The following GPR143 variants were observed in gnomAD, a reference collection of about 807,000 sequenced individuals.
GPR143 encodes G protein-coupled receptor 143.
Under a neutral mutation model 27.6 loss-of-function variants are expected in GPR143, and 8 were observed. The observed-to-expected ratio is 0.29, with a 90% CI of 0.17 to 0.52. The LOEUF is 0.52. Ranked by LOEUF, GPR143 falls within the 20% of genes least tolerant of loss-of-function variation. GPR143 has a pLI of 0.96. For missense variants in GPR143, 303 were observed against 343.1 expected (o/e 0.88, Z 0.92); for synonymous variants, 156 against 153.2 (o/e 1.02, Z -0.13).
rs928297976 is a variant in GPR143, at chrX:9,746,162, G to A, written c.549-9C>T. On this transcript the variant is annotated splice_polypyrimidine_tract_variant and intron_variant, in intron 4 of 8. Transcript: ENST00000467482. ...CCAGGCCCCGCTCACACCTGAGAGAGGAAAACCAAAGTCATTCTTCTCAAA... is the reference window on the plus strand; with the variant it reads ...CCAGGCCCCGCTCACACCTGAGAGAAGAAAACCAAAGTCATTCTTCTCAAA... 2 of 1,081,798 alleles carry A rather than the reference G, an allele frequency of 1.8e-6. No individual in the cohort carries two copies. The highest frequency in any genetic ancestry group is 2.6e-6 in the Non-Finnish European group (2 of 776,797). 89.2% of individuals were successfully genotyped at this position (1,081,798 alleles called of 1,213,427 possible). A position where few individuals can be genotyped will look rare whatever the true frequency, so the allele number is the denominator to read the frequency against.
chrX:9,727,666 T>C (rs1322603984), intron 8 of GPR143, among the ~76,000 whole-genome samples: 1 of 112,585 alleles, frequency 8.9e-6, no homozygotes, highest in Non-Finnish European at 1.9e-5. Context: ...TATCCTAGAG[T>C]ACTTGCTCCA....
intron 4 of GPR143, among the ~76,000 whole-genome samples, chrX:9,746,759 A>G (rs1023255073): frequency 1.8e-5 from 2 of 109,759 alleles, no homozygotes; most frequent in Non-Finnish European, 3.8e-5. Context: ...GGCCTCACAA[A>G]CATATGTTAC....
intron 4 of GPR143, 60 bp downstream of exon 4, chrX:9,748,514 C>A: frequency 1.3e-6 from 1 of 781,495 alleles, no homozygotes; most frequent in Non-Finnish European, 2.0e-6. Context: ...GTATTCCCTG[C>A]AAGACAACAC....
chrX:9,752,776 T>A (rs2083456639), intron 3 of GPR143, among the ~76,000 whole-genome samples: 1 of 108,899 alleles, frequency 9.2e-6, no homozygotes, highest in South Asian at 4.0e-4. Flanking sequence ...AGCCCAGGAG[T>A]TGAAGGTTGC....
At chrX:9,769,595 T>C (rs2083546376), upstream of GPR143, among the ~76,000 whole-genome samples, 1 of 111,885 alleles carries the variant, frequency 8.9e-6, no homozygotes, top group African/African-American at 3.3e-5. Context: ...GTTTATTTAT[T>C]TATTGACATG....
chrX:9,725,990 A>C, intron 8 of GPR143, 150 bp from the exon 9 acceptor site: 1 of 1,053,348 alleles, frequency 9.5e-7, no homozygotes, highest in Non-Finnish European at 1.2e-6. Context: ...CAAAAAAAAA[A>C]AAAAAAAAAA....
At chrX:9,734,327 G>A (rs1034170157) in intron 8 of GPR143, among the ~76,000 whole-genome samples, 6 of 110,984 alleles carry the variant, frequency 5.4e-5, no homozygotes, top group Middle Eastern at 4.6e-3. Flanking sequence ...ACAGGGTATT[G>A]TGGGAGATAC....
chrX:9,747,104 A>C (rs192504970), intron 4 of GPR143, among the ~76,000 whole-genome samples: 40 of 108,490 alleles, frequency 3.7e-4, no homozygotes, highest in Admixed American at 8.0e-4. Flanking sequence ...CCACCTCTCA[A>C]CGCTGCCACT....
intron 4 of GPR143, among the ~76,000 whole-genome samples, chrX:9,747,205 G>A (rs891241359): frequency 9.1e-6 from 1 of 110,443 alleles, no homozygotes; most frequent in Non-Finnish European, 1.9e-5. Flanking sequence ...AGAGGAGAAA[G>A]AGAAGTGACT....
intron 1 of GPR143, among the ~76,000 whole-genome samples, chrX:9,777,898 G>T (rs970856123): frequency 9.1e-6 from 1 of 109,827 alleles, no homozygotes; most frequent in Non-Finnish European, 1.9e-5. Context: ...AGACCATCCT[G>T]GCTAACATGG....
Position 9,725,636 on chromosome X carries a change from G to A in GPR143, c.*110C>T, listed in dbSNP as rs2146673620. On this transcript the variant is annotated 3_prime_UTR_variant, in exon 9 of 9. Coordinates refer to ENST00000467482, the MANE Select transcript of GPR143 (RefSeq NM_000273.3). Reference sequence around the variant, plus strand: ...AGCTGGTGATGAGAGCAAGGTTTGGGGGCCGCTACACTTCGGCAGTGCAGT... The same window carrying A: ...AGCTGGTGATGAGAGCAAGGTTTGGAGGCCGCTACACTTCGGCAGTGCAGT... The A allele has an allele frequency of 1.7e-6, 1 of 593,846 alleles. No homozygotes were observed. Among genetic ancestry groups the A allele is most frequent in the Non-Finnish European group, 2.8e-6 (1 of 355,633 alleles). 48.9% of individuals were successfully genotyped at this position (593,846 alleles called of 1,213,427 possible). A position where few individuals can be genotyped will look rare whatever the true frequency, so the allele number is the denominator to read the frequency against.
chrX:9,756,775 T>G (rs2083475656), intron 3 of GPR143, among the ~76,000 whole-genome samples: 1 of 112,507 alleles, frequency 8.9e-6, no homozygotes, highest in African/African-American at 3.2e-5. Flanking sequence ...CTCACATTAC[T>G]GCTAGAATGT....
chrX:9,727,501 C>T (rs1290157182), intron 8 of GPR143, among the ~76,000 whole-genome samples: 1 of 113,065 alleles, frequency 8.8e-6, no homozygotes, highest in Non-Finnish European at 1.9e-5. Flanking sequence ...GTAGCATGGC[C>T]GAGCGAGGCC....
chrX:9,770,321 A>AAAAG (rs1555917146), upstream of GPR143, among the ~76,000 whole-genome samples: 103 of 88,168 alleles, frequency 1.2e-3, 1 homozygote, highest in Non-Finnish European at 2.1e-3. Flanking sequence ...GAAAGAAAGA[A>AAAAG]AAAGAGAGAG....
chrX:9,758,671 A>G (rs867907170), intron 3 of GPR143, among the ~76,000 whole-genome samples: 3 of 112,092 alleles, frequency 2.7e-5, no homozygotes, highest in Middle Eastern at 4.6e-3. Context: ...GATCACTTGA[A>G]GCCAGGAGTT....
intron 1 of GPR143, among the ~76,000 whole-genome samples, chrX:9,764,398 T>C (rs904046229): frequency 2.7e-5 from 3 of 111,017 alleles, no homozygotes; most frequent in Non-Finnish European, 3.8e-5. Context: ...TTTGCGCACC[T>C]GTGGTGTAAA....
chrX:9,730,450 T>A (rs111941455), intron 8 of GPR143, among the ~76,000 whole-genome samples: 4,422 of 111,578 alleles, frequency 0.04, 215 homozygotes, highest in African/African-American at 0.14. Context: ...AGACACCACG[T>A]GTTACTTTTA....
chrX:9,746,534 T>C (rs2083429215), intron 4 of GPR143, among the ~76,000 whole-genome samples: 1 of 110,602 alleles, frequency 9.0e-6, no homozygotes, highest in South Asian at 3.9e-4. Context: ...AATAGTGAGG[T>C]TTTGAGTACT....
intron 8 of GPR143, among the ~76,000 whole-genome samples, chrX:9,731,734 G>T (rs757758049): frequency 2.1e-3 from 225 of 105,436 alleles, no homozygotes; most frequent in Middle Eastern, 9.7e-3. Flanking sequence ...AGAGATTTGT[G>T]AGAGAGAACA....
Sources: allele counts gnomAD v4.1 joint callset (sites outside exome capture counted in the v4.1 genomes callset), GRCh38; gene constraint gnomAD v4.1.1; transcripts MANE v1.5; gene names NCBI Gene and HGNC (gene_info 2026-07-23, HGNC 2026-07-21).